The following PDE11A variants were observed in gnomAD, a reference collection of about 807,000 sequenced individuals.
The protein encoded by PDE11A is dual 3',5'-cyclic-AMP and -GMP phosphodiesterase 11A.
PDE11A carries 100 observed loss-of-function variants against 100.5 expected under a neutral mutation model. That is an observed-to-expected ratio of 1.00 (90% CI 0.85 to 1.18). PDE11A has a LOEUF of 1.18. Among genes scored for constraint, PDE11A ranks in the 50% most tolerant of loss-of-function variants. The pLI, the probability that PDE11A is intolerant of heterozygous loss-of-function variation, is 0.00. For synonymous variants in PDE11A, 381 were observed against 420.8 expected (o/e 0.91, Z 1.16); for missense variants, 1,141 against 1,152.6 (o/e 0.99, Z 0.15).
At chr2:177,865,580 T>C (rs2084014530) in intron 5 of PDE11A, among the ~76,000 whole-genome samples, 1 of 152,156 alleles carries the variant, frequency 6.6e-6, no homozygotes, top group Non-Finnish European at 1.5e-5. Flanking sequence ...GCAGCATTAT[T>C]CTTAATAGCC....
At chr2:177,881,331 T>A (rs1031210048) in intron 4 of PDE11A, among the ~76,000 whole-genome samples, 12 of 143,996 alleles carry the variant, frequency 8.3e-5, no homozygotes, top group African/African-American at 3.1e-4. Flanking sequence ...TATCTATCTA[T>A]CATCTATCTG....
intron 1 of PDE11A, among the ~76,000 whole-genome samples, chr2:178,031,524 A>T (rs191584284): frequency 7.4e-4 from 113 of 152,302 alleles, no homozygotes; most frequent in African/African-American, 2.6e-3. Flanking sequence ...ACAAGAATTG[A>T]CTAAAAATAT....
chr2:177,997,902 C>A, intron 2 of PDE11A: 1 of 1,353,240 alleles, frequency 7.4e-7, no homozygotes, highest in Non-Finnish European at 1.1e-6. Context: ...TCATCTCCAC[C>A]AACAATTTCA....
At chr2:177,710,778 C>A (rs1291164568) in intron 13 of PDE11A, among the ~76,000 whole-genome samples, 2 of 152,138 alleles carry the variant, frequency 1.3e-5, no homozygotes, top group Non-Finnish European at 2.9e-5. Flanking sequence ...CTCCTGAAGT[C>A]TTAGTGGGTA....
intron 1 of PDE11A, among the ~76,000 whole-genome samples, chr2:178,022,779 A>G (rs553292991): frequency 6.6e-6 from 1 of 152,344 alleles, no homozygotes; most frequent in South Asian, 2.1e-4. Context: ...TTGGGACAAA[A>G]GAACAAGAAA....
intron 2 of PDE11A, among the ~76,000 whole-genome samples, chr2:177,984,613 A>G (rs2105805447): frequency 6.6e-6 from 1 of 152,364 alleles, no homozygotes; most frequent in African/African-American, 2.4e-5. Flanking sequence ...TATAAAAATC[A>G]TATTAATAAA....
chr2:177,891,060 G>A (rs962820547), intron 4 of PDE11A, among the ~76,000 whole-genome samples: 22 of 152,270 alleles, frequency 1.4e-4, no homozygotes, highest in African/African-American at 4.6e-4. Context: ...AATGCAGTAA[G>A]TATCCTTATA....
intron 15 of PDE11A, among the ~76,000 whole-genome samples, chr2:177,695,194 T>C (rs1346589312): frequency 1.3e-5 from 2 of 152,016 alleles, no homozygotes; most frequent in Non-Finnish European, 2.9e-5. Flanking sequence ...AATATTTTAT[T>C]GATACATAAT....
chr2:177,708,001 T>TA (rs2105419699), intron 13 of PDE11A, among the ~76,000 whole-genome samples: 1 of 152,182 alleles, frequency 6.6e-6, no homozygotes, highest in Non-Finnish European at 1.5e-5. Flanking sequence ...TAGAGGGAGA[T>TA]ACAGTGATGA....
In PDE11A at chr2:177,980,946, G is replaced by A. The variant is rs574631073; in HGVS notation, c.1071+33356C>T. On this transcript the variant is annotated intron_variant, in intron 2 of 19. Transcript: ENST00000286063. ...GAGACATGAGGGTGGTGTGAAAGTG[G>A]CTACGACCTTAAACCAGTGAGAACT... is the stretch of plus-strand genomic sequence containing the variant. 6.4e-4 allele frequency among the ~76,000 whole-genome samples: 91 copies of A among 143,080 alleles called. 11 individuals are homozygous for A. In the South Asian group the frequency reaches 0.021, roughly 33 times the overall value. The allele number at this position is 143,080 out of a possible 152,430, so 93.9% of individuals were successfully genotyped here.
chr2:178,100,233 T>C (rs1332328492), intron 2 of PDE11A, among the ~76,000 whole-genome samples: 2 of 152,292 alleles, frequency 1.3e-5, no homozygotes, highest in African/African-American at 4.8e-5. Flanking sequence ...AAATGGTAAA[T>C]TTTATGTTAT....
chr2:178,000,873 A>G (rs886589818), intron 2 of PDE11A, among the ~76,000 whole-genome samples: 1 of 152,196 alleles, frequency 6.6e-6, no homozygotes, highest in African/African-American at 2.4e-5. Context: ...TTAACCATCT[A>G]TACATGTATA....
At chr2:177,972,138 T>C (rs2085779332) in intron 2 of PDE11A, among the ~76,000 whole-genome samples, 2 of 152,142 alleles carry the variant, frequency 1.3e-5, no homozygotes, top group African/African-American at 4.8e-5. Flanking sequence ...AATCTCAAGG[T>C]AAAAGTGGTA....
intron 2 of PDE11A, among the ~76,000 whole-genome samples, chr2:177,983,745 C>A (rs1351346631): frequency 6.6e-6 from 1 of 152,102 alleles, no homozygotes; most frequent in Non-Finnish European, 1.5e-5. Flanking sequence ...ATGAATTTAT[C>A]ATTGAACTGC....
At chr2:178,087,558 GAC>G (rs1308064792) in intron 2 of PDE11A, among the ~76,000 whole-genome samples, 2 of 152,150 alleles carry the variant, frequency 1.3e-5, no homozygotes, top group African/African-American at 4.8e-5. Flanking sequence ...ACTGTGAAAT[GAC>G]AGACAAAGGA....
intron 2 of PDE11A, among the ~76,000 whole-genome samples, chr2:177,912,497 T>C (rs534460082): frequency 2.0e-4 from 31 of 152,266 alleles, no homozygotes; most frequent in Middle Eastern, 3.4e-3. Context: ...GTACTACTCA[T>C]ATCACTCAAT....
At chr2:177,822,207 C>G (rs1294036995) in intron 6 of PDE11A, among the ~76,000 whole-genome samples, 1 of 151,824 alleles carries the variant, frequency 6.6e-6, no homozygotes, top group Non-Finnish European at 1.5e-5. Context: ...TCCTAGAATC[C>G]TTACTGTTTT....
At chr2:177,721,015 C>T (rs766965042) in intron 12 of PDE11A, among the ~76,000 whole-genome samples, 12 of 151,956 alleles carry the variant, frequency 7.9e-5, no homozygotes, top group Admixed American at 2.0e-4. Context: ...ACATATGTTG[C>T]GTAGATGTTT....
At chr2:177,921,727 T>C (rs1297538991) in intron 2 of PDE11A, 4 of 152,194 alleles carry the variant, frequency 2.6e-5, no homozygotes, top group Non-Finnish European at 5.9e-5. Context: ...ATGCAACCAC[T>C]GACCTTGTAT....
Sources: allele counts gnomAD v4.1 joint callset (sites outside exome capture counted in the v4.1 genomes callset), GRCh38; gene constraint gnomAD v4.1.1; transcripts MANE v1.5; gene names NCBI Gene and HGNC (gene_info 2026-07-23, HGNC 2026-07-21).